GRM7: variants seen among roughly 807,000 people sequenced by gnomAD.
GRM7 encodes the protein glutamate metabotropic receptor 7, also known as metabotropic glutamate receptor 7.
A neutral mutation model predicts 84.5 loss-of-function variants in GRM7; 35 were observed. The observed-to-expected ratio is 0.41, with a 90% CI of 0.32 to 0.55. GRM7 has a LOEUF of 0.55. GRM7 is among the 20% of genes least tolerant of loss of function. The probability of loss-of-function intolerance (pLI) is 0.19; values close to 1 mark genes in which losing one functional copy is unlikely to be tolerated. For missense variants in GRM7, 1,003 were observed against 1,194.6 expected (o/e 0.84, Z 2.36); for synonymous variants, 487 against 455.1 (o/e 1.07, Z -0.89).
At chr3:7,445,708 A>G (rs1270296572) in intron 5 of GRM7, among the ~76,000 whole-genome samples, 1 of 152,222 alleles carries the variant, frequency 6.6e-6, no homozygotes, top group Non-Finnish European at 1.5e-5. Flanking sequence ...AGATGCACCA[A>G]AGTCAACTTC....
chr3:6,969,664 G>C (rs954807989), intron 1 of GRM7, among the ~76,000 whole-genome samples: 3 of 152,176 alleles, frequency 2.0e-5, no homozygotes, highest in African/African-American at 2.4e-5. Flanking sequence ...CAGTTCTTGA[G>C]AGTTCATGGG....
At chr3:7,395,193 T>C (rs1420276465) in intron 4 of GRM7, among the ~76,000 whole-genome samples, 1 of 152,206 alleles carries the variant, frequency 6.6e-6, no homozygotes, top group Admixed American at 6.5e-5. Flanking sequence ...AACAGCTCCA[T>C]TTATTCTATC....
chr3:6,875,529 G>C (rs1331774927), intron 1 of GRM7, among the ~76,000 whole-genome samples: 1 of 152,184 alleles, frequency 6.6e-6, no homozygotes, highest in East Asian at 1.9e-4. Flanking sequence ...CTTCTGCCAT[G>C]ATTGTGAGGC....
intron 2 of GRM7, among the ~76,000 whole-genome samples, chr3:7,213,676 C>G (rs2124853527): frequency 6.6e-6 from 1 of 152,256 alleles, no homozygotes; most frequent in Non-Finnish European, 1.5e-5. Context: ...CAACACAGGC[C>G]TCAGTTGAGC....
chr3:7,291,021 C>G (rs1699601107), intron 2 of GRM7, among the ~76,000 whole-genome samples: 2 of 152,268 alleles, frequency 1.3e-5, no homozygotes, highest in South Asian at 4.1e-4. Context: ...CTCTGTCTCC[C>G]TCTCTCACCT....
chr3:7,447,727 CTTT>C (rs34044390), intron 5 of GRM7, among the ~76,000 whole-genome samples: 7 of 148,500 alleles, frequency 4.7e-5, no homozygotes, highest in Non-Finnish European at 7.4e-5. Context: ...CCAGCAAACT[CTTT>C]TTTTTTTAAT....
intron 2 of GRM7, among the ~76,000 whole-genome samples, chr3:7,158,972 T>C (rs1456253453): frequency 1.3e-5 from 2 of 152,184 alleles, no homozygotes; most frequent in African/African-American, 4.8e-5. Context: ...ATAGTAGTGA[T>C]TTTCTTGTTG....
chr3:6,911,029 T>C (rs1282257655), intron 1 of GRM7, among the ~76,000 whole-genome samples: 1 of 152,202 alleles, frequency 6.6e-6, no homozygotes, highest in African/African-American at 2.4e-5. Flanking sequence ...GGTTGATTTC[T>C]AGTATTTGGT....
intron 2 of GRM7, among the ~76,000 whole-genome samples, chr3:7,178,042 G>T (rs1008531196): frequency 7.9e-5 from 12 of 152,002 alleles, no homozygotes; most frequent in African/African-American, 2.9e-4. Flanking sequence ...ATTGACTTTT[G>T]TATCAGCAGA....
chr3:7,389,200 G>A (rs1296526628), intron 4 of GRM7, among the ~76,000 whole-genome samples: 1 of 152,032 alleles, frequency 6.6e-6, no homozygotes, highest in Non-Finnish European at 1.5e-5. Flanking sequence ...AGTTCCTCTT[G>A]GTATTGATTT....
intron 6 of GRM7, among the ~76,000 whole-genome samples, chr3:7,457,609 TATG>T (rs1433096988): frequency 1.3e-5 from 2 of 152,222 alleles, no homozygotes; most frequent in Non-Finnish European, 2.9e-5. Context: ...TTTTTTGCAA[TATG>T]ATGTTAGCTT....
chr3:7,673,055 A>G (rs1304086249), intron 8 of GRM7, among the ~76,000 whole-genome samples: 2 of 152,208 alleles, frequency 1.3e-5, no homozygotes, highest in African/African-American at 4.8e-5. Flanking sequence ...TTCATGTTAT[A>G]GCCAATAAAT....
chr3:7,731,752 C>A (rs1012467562), intron 9 of GRM7, among the ~76,000 whole-genome samples: 39 of 152,258 alleles, frequency 2.6e-4, no homozygotes, highest in African/African-American at 9.1e-4. Context: ...TGTAGACTGG[C>A]CTTTTGAGAT....
intron 1 of GRM7, among the ~76,000 whole-genome samples, chr3:7,090,736 A>G (rs1169525027): frequency 1.3e-5 from 2 of 152,204 alleles, no homozygotes; most frequent in Admixed American, 6.5e-5. Context: ...CAAACTAGAA[A>G]CCAATGATAG....
rs554876053 is a variant in GRM7 at position 6,863,125 on chromosome 3, G to GTTT, written c.519+1226_519+1228dup. The GTTT allele has an allele frequency of 6.3e-4, 193 of 305,858 alleles. No homozygotes were observed. Among genetic ancestry groups the GTTT allele is most frequent in the Non-Finnish European group, 9.4e-4 (145 of 154,108 alleles). 18.9% of individuals were successfully genotyped at this position (305,858 alleles called of 1,614,324 possible). A position where few individuals can be genotyped will look rare whatever the true frequency, so the allele number is the denominator to read the frequency against. On this transcript the variant is annotated intron_variant, in intron 1 of 9. Coordinates refer to ENST00000357716, the MANE Select transcript of GRM7 (RefSeq NM_000844.4). The surrounding 1 kb of genome is among the most constrained non-coding windows in gnomAD (Gnocchi z 4.8). The stretch of plus-strand genomic sequence containing the variant: ...CTCTTTCTGTCTCTGTCTCCTTGCT[G>GTTT]TTTTTTTTTTCTCTCTGTTTTTTCT...
rs1700201824 is a variant in GRM7, at chr3:7,306,587, T to C, written c.968T>C (p.Leu323Pro). ...AGCTGGGGATCCAAAATAAACCCAC[T>C]GCACCAGCATGAAGATATCGCAGAA... The part of the protein sequence containing the change: ...SDSWGSKINP[L>P]HQHEDIAEGA... Residue 323 changes from leucine (L) to proline (P), a missense_variant, in exon 4 of 10, where the codon CTG (leucine) becomes CCG (proline). Transcript: ENST00000357716. 1 of 1,613,676 alleles carries C rather than the reference T, an allele frequency of 6.2e-7. No homozygotes were observed. The highest frequency in any genetic ancestry group is 2.2e-5 in the East Asian group (1 of 44,854).
rs201115893 is a variant in GRM7 at position 7,365,645 on chromosome 3, G to GTATATATATATATA, written c.1034-49377_1034-49376insATATATATATATAT. Among the ~76,000 whole-genome samples the GTATATATATATATA allele has an allele frequency of 1.5e-3, 186 of 123,800 alleles. 1 individual carries two copies. Among genetic ancestry groups the GTATATATATATATA allele is most frequent in the African/African-American group, 5.4e-3 (161 of 29,990 alleles). The allele number at this position is 123,800 out of a possible 152,430, so 81.2% of individuals were successfully genotyped here. A position where few individuals can be genotyped will look rare whatever the true frequency, so the allele number is the denominator to read the frequency against. On this transcript the variant is annotated intron_variant, in intron 4 of 9. Transcript: ENST00000357716. ...TTAATATGCATGTGTGTGTGCGTGT[G>GTATATATATATATA]TGTATATATATATATATATACACAC...
chr3:7,732,825 C>G (rs1702377988), intron 9 of GRM7, among the ~76,000 whole-genome samples: 1 of 152,154 alleles, frequency 6.6e-6, no homozygotes, highest in Non-Finnish European at 1.5e-5. Context: ...GTCCACAGTG[C>G]AAAGCGAAAG....
intron 2 of GRM7, among the ~76,000 whole-genome samples, chr3:7,249,763 T>A (rs1419177979): frequency 6.6e-6 from 1 of 152,190 alleles, no homozygotes; most frequent in East Asian, 1.9e-4. Context: ...AATATAGATA[T>A]AGCTGCATGT....
Sources: gnomAD v4.1 joint callset for allele counts (sites outside exome capture counted in the v4.1 genomes callset) on GRCh38, gnomAD v4.1.1 for gene constraint, Gnocchi (gnomAD v3.1) non-coding constraint, MANE v1.5 for transcripts, NCBI Gene and HGNC (gene_info 2026-07-23, HGNC 2026-07-21) for gene names.